NEK4: variants seen among roughly 807,000 people sequenced by gnomAD.
NEK4 encodes the protein serine/threonine-protein kinase Nek4.
Under a neutral mutation model 98.4 loss-of-function variants are expected in NEK4, and 86 were observed. That is an observed-to-expected ratio of 0.87 (90% CI 0.73 to 1.05). The LOEUF (loss-of-function observed/expected upper bound fraction) is 1.05. Ranked by LOEUF, NEK4 falls within the 50% of genes least tolerant of loss-of-function variation. The probability of loss-of-function intolerance (pLI) is 0.00; values close to 1 mark genes in which losing one functional copy is unlikely to be tolerated. For synonymous variants in NEK4, 328 were observed against 342.2 expected, an observed-to-expected ratio of 0.96 and a Z score of 0.46; for missense variants, 898 against 950.3, an observed-to-expected ratio of 0.94 and a Z score of 0.72.
chr3:52,757,118 G>A (rs2097416413), intron 6 of NEK4, among the ~76,000 whole-genome samples: 1 of 152,326 alleles, frequency 6.6e-6, no homozygotes, highest in African/African-American at 2.4e-5. Flanking sequence ...TGGTGAGAAT[G>A]TAGAGAAATT....
At chr3:52,719,225 T>C (rs1381458722) in intron 15 of NEK4, among the ~76,000 whole-genome samples, 2 of 152,202 alleles carry the variant, frequency 1.3e-5, no homozygotes, top group African/African-American at 4.8e-5. Context: ...ACCTGTGTTT[T>C]AGATACAGCA....
At chr3:52,761,163 C>A (rs1241811578) in intron 5 of NEK4, among the ~76,000 whole-genome samples, 1 of 152,124 alleles carries the variant, frequency 6.6e-6, no homozygotes, top group African/African-American at 2.4e-5. Flanking sequence ...ATCACAGACC[C>A]CTGATTAGAT....
chr3:52,751,067 T>G (rs2097404090), intron 7 of NEK4, among the ~76,000 whole-genome samples: 1 of 152,052 alleles, frequency 6.6e-6, no homozygotes, highest in African/African-American at 2.4e-5. Context: ...TCTCAGCACT[T>G]TGGGAGGCCA....
rs1432835958 is a variant in NEK4 at position 52,746,806 on chromosome 3, C to T, written c.1605G>A (p.Gln535=). The T allele has an allele frequency of 1.2e-6, 2 of 1,614,172 alleles. No homozygotes were observed. Among genetic ancestry groups the T allele is most frequent in the Non-Finnish European group, 1.7e-6 (2 of 1,180,012 alleles). The part of the protein sequence containing the change: ...NSGSEPSLSR[Q]RRQKRREQTE... The stretch of plus-strand genomic sequence containing the variant: ...TCTGTTCTCTCCTCTTTTGCCGTCG[C>T]TGTCGAGACAGGGAAGGTTCAGACC... The change falls in exon 9 of 16, where the codon CAG becomes CAA. Residue 535 remains glutamine, a synonymous_variant. Coordinates refer to ENST00000233027, the MANE Select transcript of NEK4 (RefSeq NM_003157.6).
rs748461546 is a variant in NEK4 at position 52,746,011 on chromosome 3, C to A, written c.1827+50G>T. The A allele has an allele frequency of 1.9e-5, 30 of 1,561,288 alleles. No homozygotes were observed. In the East Asian group the frequency reaches 5.6e-4, roughly 29 times the overall value. On this transcript the variant is annotated intron_variant, in intron 10 of 15. Transcript: ENST00000233027. ...GTGCTGGGATTACATGCATGATACA[C>A]CACGTCTGGTTATAAGGTTTTTAAA...
intron 2 of NEK4, among the ~76,000 whole-genome samples, chr3:52,767,667 G>A (rs947761621): frequency 1.5e-4 from 22 of 151,244 alleles, no homozygotes; most frequent in African/African-American, 5.1e-4. Flanking sequence ...GCAGTGAGCC[G>A]AGATCGTGCC....
In NEK4 at chr3:52,746,119, C is replaced by T. The variant is rs140752930; in HGVS notation, c.1769G>A (p.Arg590His). The change falls in exon 10 of 16, where the codon CGT (arginine) becomes CAT (histidine). Residue 590 changes from arginine to histidine, a missense_variant. Transcript: ENST00000233027. ...TSTQKEAENQ[R>H]RVVTGSVSSS... Reference sequence around the variant, plus strand: ...GCTCACAGACCCAGTGACCACTCTACGTTGGTTTTCAGCCTCTTTTTGTGT... The same window carrying T: ...GCTCACAGACCCAGTGACCACTCTATGTTGGTTTTCAGCCTCTTTTTGTGT... 116 of 1,614,016 alleles carry T rather than the reference C, an allele frequency of 7.2e-5. No individual in the cohort carries two copies. Among genetic ancestry groups the T allele is most frequent in the Non-Finnish European group, 8.9e-5 (105 of 1,179,974 alleles).
At chr3:52,734,908 C>CA (rs796414830) in intron 15 of NEK4, 329 of 214,038 alleles carry the variant, frequency 1.5e-3, no homozygotes, top group South Asian at 4.3e-3. Flanking sequence ...AGAATATTAC[C>CA]AAAAAAAAAG....
intron 7 of NEK4, among the ~76,000 whole-genome samples, chr3:52,750,235 A>G (rs983555305): frequency 7.2e-5 from 11 of 152,160 alleles, no homozygotes; most frequent in African/African-American, 2.7e-4. Context: ...AATGTACATC[A>G]ACTGATGAAT....
rs2097350520 is a variant in NEK4, at chr3:52,711,671, A to T, written c.*106T>A. On this transcript the variant is annotated 3_prime_UTR_variant, in exon 16 of 16. Transcript: ENST00000233027. ...CGCCAAAGAGATATAAAAAAGAGAT[A>T]TAAAACAGTGGTGAGTGGCTTCCAA... The T allele has an allele frequency of 1.4e-6, 1 of 690,844 alleles. No homozygotes were observed. Among genetic ancestry groups the T allele is most frequent in the Non-Finnish European group, 2.6e-6 (1 of 384,430 alleles). 42.8% of individuals were successfully genotyped at this position (690,844 alleles called of 1,614,324 possible). A position where few individuals can be genotyped will look rare whatever the true frequency, so the allele number is the denominator to read the frequency against.
intron 7 of NEK4, among the ~76,000 whole-genome samples, chr3:52,751,480 G>A (rs544827964): frequency 1.3e-5 from 2 of 151,076 alleles, no homozygotes; most frequent in South Asian, 4.2e-4. Flanking sequence ...AATTAGCTGG[G>A]CGTGGTGGCG....
chr3:52,766,154 C>T, intron 3 of NEK4, 24 bp downstream of exon 3: 16 of 1,601,230 alleles, frequency 1.0e-5, no homozygotes, highest in Non-Finnish European at 1.4e-5. Context: ...ACAAGGTAAG[C>T]CAGCATACAG....
chr3:52,721,404 C>G (rs1336835483), intron 15 of NEK4, among the ~76,000 whole-genome samples: 1 of 151,992 alleles, frequency 6.6e-6, no homozygotes, highest in Non-Finnish European at 1.5e-5. Flanking sequence ...TCTTTTCCCC[C>G]TTTTGGGGGC....
At chr3:52,736,210 T>G (rs1485949708) in intron 15 of NEK4, among the ~76,000 whole-genome samples, 1 of 152,230 alleles carries the variant, frequency 6.6e-6, no homozygotes, top group Non-Finnish European at 1.5e-5. Context: ...TTATGTATTT[T>G]TGGCGGGGGG....
chr3:52,765,561 G>A (rs1193244158), intron 4 of NEK4, among the ~76,000 whole-genome samples: 1 of 152,130 alleles, frequency 6.6e-6, no homozygotes, highest in East Asian at 1.9e-4. Context: ...TTTAAATGTA[G>A]CTCATTGAAT....
At chr3:52,758,813 G>C (rs1009119488) in intron 6 of NEK4, among the ~76,000 whole-genome samples, 3 of 152,054 alleles carry the variant, frequency 2.0e-5, no homozygotes, top group Admixed American at 6.6e-5. Context: ...ATTTAAAACT[G>C]GGCAGGGGCT....
At chr3:52,728,312 G>A (rs1205188560) in intron 15 of NEK4, among the ~76,000 whole-genome samples, 1 of 152,212 alleles carries the variant, frequency 6.6e-6, no homozygotes, top group East Asian at 1.9e-4. Context: ...AGAGGTAGAG[G>A]TTACAGAGAG....
At chr3:52,770,502 G>A in intron 1 of NEK4, 152 bp downstream of exon 1, 1 of 611,364 alleles carries the variant, frequency 1.6e-6, no homozygotes, top group Non-Finnish European at 2.9e-6. Flanking sequence ...ATTACAGGGA[G>A]GCCAGGCCTC....
intron 12 of NEK4, among the ~76,000 whole-genome samples, chr3:52,742,412 GA>G (rs2097387972): frequency 6.6e-6 from 1 of 151,976 alleles, no homozygotes; most frequent in Non-Finnish European, 1.5e-5. Flanking sequence ...TGCTTTAAAG[GA>G]TCACCTAAAA....
Sources: gnomAD v4.1 joint callset for allele counts (sites outside exome capture counted in the v4.1 genomes callset) on GRCh38, gnomAD v4.1.1 for gene constraint, MANE v1.5 for transcripts, NCBI Gene and HGNC (gene_info 2026-07-23, HGNC 2026-07-21) for gene names.